The following NRXN3 variants were observed in gnomAD, a reference collection of about 807,000 sequenced individuals.
NRXN3 encodes neurexin III.
NRXN3 carries 32 observed loss-of-function variants against 137.6 expected under a neutral mutation model. That is an observed-to-expected ratio of 0.23 (90% CI 0.18 to 0.31). The LOEUF (loss-of-function observed/expected upper bound fraction) is 0.31. NRXN3 is among the 10% of genes least tolerant of loss of function. NRXN3 has a pLI of 1.00. For missense variants in NRXN3, 1,574 were observed against 2,062.5 expected (o/e 0.76, Z 4.59); for synonymous variants, 798 against 784.5 (o/e 1.02, Z -0.29).
chr14:79,031,310 A>T (rs1198824260), intron 15 of NRXN3, among the ~76,000 whole-genome samples: 1 of 152,188 alleles, frequency 6.6e-6, no homozygotes, highest in Non-Finnish European at 1.5e-5. Context: ...ATAAAAATAG[A>T]ACTTAAATGA....
intron 4 of NRXN3, among the ~76,000 whole-genome samples, chr14:78,358,444 A>T (rs1403780027): frequency 6.6e-6 from 1 of 152,170 alleles, no homozygotes; most frequent in Non-Finnish European, 1.5e-5. Context: ...TCTGTTGCTG[A>T]TTGCATCAGA....
chr14:78,914,074 A>G (rs973185320), intron 10 of NRXN3, among the ~76,000 whole-genome samples: 1 of 152,182 alleles, frequency 6.6e-6, no homozygotes, highest in African/African-American at 2.4e-5. Context: ...TGTGAAATCC[A>G]AACTGGACCC....
At chr14:79,164,910 A>G (rs2061149042) in intron 15 of NRXN3, among the ~76,000 whole-genome samples, 2 of 152,004 alleles carry the variant, frequency 1.3e-5, no homozygotes, top group Admixed American at 1.3e-4. Context: ...AAATCAAATC[A>G]TAAATGGCAA....
At chr14:78,285,572 A>G (rs898902835) in intron 3 of NRXN3, among the ~76,000 whole-genome samples, 1 of 152,158 alleles carries the variant, frequency 6.6e-6, no homozygotes, top group African/African-American at 2.4e-5. Context: ...GTTCCACTAG[A>G]GTGTACACTT....
At chr14:78,192,932 C>T (rs2060883171) in intron 1 of NRXN3, among the ~76,000 whole-genome samples, 1 of 152,194 alleles carries the variant, frequency 6.6e-6, no homozygotes, top group South Asian at 2.1e-4. Context: ...TACCCCACCT[C>T]TAATGGAATA....
intron 4 of NRXN3, among the ~76,000 whole-genome samples, chr14:78,518,034 G>A (rs952246216): frequency 4.6e-5 from 7 of 152,102 alleles, no homozygotes; most frequent in Non-Finnish European, 8.8e-5. Context: ...TGCAAATAGA[G>A]GAATCATCTT....
At chr14:79,166,478 A>G (rs1040684383) in intron 15 of NRXN3, among the ~76,000 whole-genome samples, 7 of 151,076 alleles carry the variant, frequency 4.6e-5, no homozygotes, top group Non-Finnish European at 1.0e-4. Flanking sequence ...TTTTGAATGT[A>G]ATAACTGAGA....
intron 16 of NRXN3, among the ~76,000 whole-genome samples, chr14:79,529,901 A>G (rs1254999938): frequency 1.3e-5 from 2 of 152,196 alleles, no homozygotes; most frequent in Non-Finnish European, 2.9e-5. Flanking sequence ...GCCTATGTTC[A>G]TTCTCATGGT....
Position 78,614,784 on chromosome 14 carries a change from G to T in NRXN3, c.758-30336G>T, listed in dbSNP as rs1002244490. ...TGGATGGCAATTTTCTGGGTCAATTGTGCCCAAGGCACTCCCTACAGCAAA... is the reference window on the plus strand; with the variant it reads ...TGGATGGCAATTTTCTGGGTCAATTTTGCCCAAGGCACTCCCTACAGCAAA... On this transcript the variant is annotated intron_variant, in intron 4 of 20. Coordinates refer to ENST00000335750, the MANE Select transcript of NRXN3 (RefSeq NM_001330195.2). 6 of 334,956 alleles carry T rather than the reference G, an allele frequency of 1.8e-5. No homozygotes were observed. The Admixed American group carries it at 1.9e-4, about 11-fold the overall frequency. 20.7% of individuals were successfully genotyped at this position (334,956 alleles called of 1,614,324 possible). A position where few individuals can be genotyped will look rare whatever the true frequency, so the allele number is the denominator to read the frequency against.
intron 16 of NRXN3, among the ~76,000 whole-genome samples, chr14:79,513,365 A>G (rs1418850802): frequency 6.6e-6 from 1 of 152,176 alleles, no homozygotes; most frequent in Non-Finnish European, 1.5e-5. Context: ...ACAGGAATTT[A>G]GATTTTCTGA....
At chr14:79,576,225 C>T (rs1297620864) in intron 16 of NRXN3, among the ~76,000 whole-genome samples, 1 of 152,158 alleles carries the variant, frequency 6.6e-6, no homozygotes, top group East Asian at 1.9e-4. Context: ...TTCTACTGAT[C>T]TCTGCCAGTG....
chr14:79,320,509 TA>T (rs1045762362), intron 15 of NRXN3, among the ~76,000 whole-genome samples: 7 of 152,176 alleles, frequency 4.6e-5, no homozygotes, highest in Admixed American at 3.3e-4. Context: ...ACCAGTAGCA[TA>T]ATGGATATGT....
chr14:78,722,126 G>T (rs544149458), intron 8 of NRXN3, among the ~76,000 whole-genome samples: 35 of 152,242 alleles, frequency 2.3e-4, no homozygotes, highest in African/African-American at 8.2e-4. Context: ...TGTAGATTCC[G>T]GTTATTCTAG....
intron 16 of NRXN3, among the ~76,000 whole-genome samples, chr14:79,630,076 A>G (rs978613059): frequency 6.6e-5 from 10 of 152,226 alleles, no homozygotes; most frequent in African/African-American, 1.9e-4. Flanking sequence ...AGCTCCTGCA[A>G]TGCAAGTAAG....
intron 8 of NRXN3, among the ~76,000 whole-genome samples, chr14:78,768,265 T>G (rs1043557943): frequency 6.6e-6 from 1 of 152,168 alleles, no homozygotes; most frequent in East Asian, 1.9e-4. Context: ...GCCTTCATGA[T>G]TCTATGAGTG....
chr14:78,357,865 CAAT>C (rs779501502), intron 4 of NRXN3, among the ~76,000 whole-genome samples: 4 of 152,102 alleles, frequency 2.6e-5, no homozygotes, highest in Non-Finnish European at 5.9e-5. Context: ...TTAACAACAG[CAAT>C]AATAATAGCA....
rs145074643 is a variant in NRXN3, at chr14:79,386,529, A to G, written c.3263-80692A>G. The stretch of plus-strand genomic sequence containing the variant: ...ATCGTGAAAATGGCCATACTGCCCA[A>G]GGTAATTTATAGATTCAATCTCATC... On this transcript the variant is annotated intron_variant, in intron 15 of 20. Coordinates refer to ENST00000335750, the MANE Select transcript of NRXN3 (RefSeq NM_001330195.2). Among the ~76,000 whole-genome samples, 736 of 152,296 alleles carry G rather than the reference A, an allele frequency of 4.8e-3. 9 individuals are homozygous for G. Among genetic ancestry groups the G allele is most frequent in the African/African-American group, 0.016 (656 of 41,566 alleles).
At chr14:78,782,164 C>G (rs2098772219) in intron 8 of NRXN3, among the ~76,000 whole-genome samples, 1 of 152,188 alleles carries the variant, frequency 6.6e-6, no homozygotes, top group East Asian at 1.9e-4. Context: ...TAACATTTAC[C>G]AGCTACAGTT....
At position 78,897,366 on chromosome 14, in the gene NRXN3, T is replaced by C. The variant is rs891440206; in HGVS notation, c.2276-59876T>C. On this transcript the variant is annotated intron_variant, in intron 10 of 20. Coordinates refer to ENST00000335750, the MANE Select transcript of NRXN3 (RefSeq NM_001330195.2). ...GATATTGCTTTTTTTTTCTTTCTTT[T>C]TTTTTGACAAGACCAATGTGAAAAT... Among the ~76,000 whole-genome samples, 5 of 151,934 alleles carry C rather than the reference T, an allele frequency of 3.3e-5. No homozygotes were observed. In the East Asian group the frequency reaches 7.8e-4, roughly 24 times the overall value.
Sources: allele counts gnomAD v4.1 joint callset (sites outside exome capture counted in the v4.1 genomes callset), GRCh38; gene constraint gnomAD v4.1.1; transcripts MANE v1.5; gene names NCBI Gene and HGNC (gene_info 2026-07-23, HGNC 2026-07-21).